PCDHGA1: variants seen among roughly 807,000 people sequenced by gnomAD.
PCDHGA1 encodes the protein protocadherin gamma-A1.
A neutral mutation model predicts 58.0 loss-of-function variants in PCDHGA1; 32 were observed. The ratio of observed to expected loss-of-function variants is 0.55; its 90% CI spans 0.42 to 0.74. The LOEUF (loss-of-function observed/expected upper bound fraction) is 0.74. Among genes scored for constraint, PCDHGA1 ranks in the 30% least tolerant of loss-of-function variants. The probability of loss-of-function intolerance (pLI) is 0.00; values close to 1 mark genes in which losing one functional copy is unlikely to be tolerated. For synonymous variants in PCDHGA1, 498 were observed against 501.1 expected, an observed-to-expected ratio of 0.99 and a Z score of 0.08; for missense variants, 1,205 against 1,182.3, an observed-to-expected ratio of 1.02 and a Z score of -0.28.
Position 141,485,713 on chromosome 5 carries a change from G to T in PCDHGA1, c.2422-9094G>T. On this transcript the variant is annotated intron_variant, in intron 1 of 3. Transcript: ENST00000517417. The surrounding 1 kb of genome is among the most constrained non-coding windows in gnomAD (Gnocchi z 5.7). ...TGAGCTCCAATGAACACTTTGCACT[G>T]GATGTGAAGAAGCGCAGCGACGGCA... 1 of 1,614,202 alleles carries T rather than the reference G, an allele frequency of 6.2e-7. No individual in the cohort carries two copies. The highest frequency in any genetic ancestry group is 8.5e-7 in the Non-Finnish European group (1 of 1,180,038).
intron 1 of PCDHGA1, chr5:141,385,190 G>C (rs899564761): frequency 3.7e-6 from 6 of 1,614,166 alleles, no homozygotes; most frequent in Non-Finnish European, 5.1e-6. Context: ...GCGGACTCTC[G>C]GAAGAGTCAC....
chr5:141,389,999 G>C (rs777892783), intron 1 of PCDHGA1: 4 of 1,614,018 alleles, frequency 2.5e-6, no homozygotes, highest in Non-Finnish European at 3.4e-6. Context: ...TCGTGGCCAT[G>C]ATTCTGGCCA....
At chr5:141,366,104 G>A in intron 1 of PCDHGA1, 2 of 1,614,250 alleles carry the variant, frequency 1.2e-6, no homozygotes, top group Non-Finnish European at 1.7e-6. Flanking sequence ...GACCAAGGTG[G>A]TAGCGGTGGA....
At chr5:141,380,974 A>C (rs1008958709) in intron 1 of PCDHGA1, among the ~76,000 whole-genome samples, 4 of 152,262 alleles carry the variant, frequency 2.6e-5, no homozygotes, top group African/African-American at 9.6e-5. Context: ...TATTAAACAA[A>C]TAGAATTTAA....
chr5:141,415,605 G>GGT, intron 1 of PCDHGA1: 1 of 1,613,122 alleles, frequency 6.2e-7, no homozygotes. Context: ...ATACCCCATT[G>GGT]GTTCCAGTGA....
chr5:141,434,877 C>A (rs1266355299), intron 1 of PCDHGA1, among the ~76,000 whole-genome samples: 1 of 151,612 alleles, frequency 6.6e-6, no homozygotes, highest in Non-Finnish European at 1.5e-5. Flanking sequence ...TGACAGATAC[C>A]AACAACAATC....
At chr5:141,420,252 C>T (rs745697672) in intron 1 of PCDHGA1, 1 of 1,576,604 alleles carries the variant, frequency 6.3e-7, no homozygotes, top group Non-Finnish European at 8.6e-7. Flanking sequence ...AGCGTTGAAG[C>T]AGATAAGAAG....
chr5:141,389,126 A>G, intron 1 of PCDHGA1: 1 of 1,614,034 alleles, frequency 6.2e-7, no homozygotes, highest in South Asian at 1.1e-5. Context: ...AGCAGAATCC[A>G]GAGTACAATA....
chr5:141,345,232 A>C (rs1156468389), intron 1 of PCDHGA1: 10 of 1,614,014 alleles, frequency 6.2e-6, no homozygotes, highest in Admixed American at 1.7e-5. Context: ...TCAATAGATC[A>C]ATATTACCGC....
chr5:141,375,281 A>G (rs1157577123), intron 1 of PCDHGA1: 3 of 1,613,848 alleles, frequency 1.9e-6, no homozygotes, highest in Admixed American at 3.3e-5. Context: ...ATCAGTTGGC[A>G]ATTATTATCG....
In PCDHGA1 at chr5:141,432,986, G is replaced by A. The variant is rs2097557714; in HGVS notation, c.2422-61821G>A. ...AGCGCCGGCGTCGCACTTTGTGGGC[G>A]TGGACGGGGTGCAGGCTTTCCTGCA... On this transcript the variant is annotated intron_variant, in intron 1 of 3. Transcript: ENST00000517417. This position sits in a 1 kb window ranked among gnomAD's most constrained non-coding sequence, Gnocchi z 6.0. 6 of 1,614,258 alleles carry A rather than the reference G, an allele frequency of 3.7e-6. No individual in the cohort carries two copies. In the Middle Eastern group the frequency reaches 4.9e-4, roughly 133 times the overall value.
At chr5:141,422,997 C>T (rs114907564) in intron 1 of PCDHGA1, 28,679 of 1,614,218 alleles carry the variant, frequency 0.018, 311 homozygotes, top group Non-Finnish European at 0.021. Context: ...ACCTGGTGAC[C>T]AAGGTGGTTG....
At chr5:141,413,383 A>G in intron 1 of PCDHGA1, 1 of 1,613,998 alleles carries the variant, frequency 6.2e-7, no homozygotes, top group Non-Finnish European at 8.5e-7. Context: ...CGGAGTCCGC[A>G]TAGTCTCCAG....
chr5:141,364,822 GA>G (rs1385950726), intron 1 of PCDHGA1: 1 of 1,614,010 alleles, frequency 6.2e-7, no homozygotes, highest in Admixed American at 1.7e-5. Context: ...ATGTGGGTGT[GA>G]ACTCTCTCCG....
intron 1 of PCDHGA1, chr5:141,395,337 T>G (rs1265011600): frequency 7.0e-7 from 1 of 1,433,514 alleles, no homozygotes; most frequent in African/African-American, 1.4e-5. Context: ...AAATAATTTT[T>G]AAGGTGTATC....
At position 141,431,569 on chromosome 5, in the gene PCDHGA1, CGAA is replaced by C. The variant is rs780392922; in HGVS notation, c.2422-63236_2422-63234del. The C allele has an allele frequency of 1.9e-6, 3 of 1,614,000 alleles. No homozygotes were observed. The highest frequency in any genetic ancestry group is 2.7e-5 in the African/African-American group (2 of 74,932). ...TTGTAGTCAACGCTACCGACCCTGA[CGAA>C]GGAGTCAATGCGGAAGTGAGGTATT... On this transcript the variant is annotated intron_variant, in intron 1 of 3. Transcript: ENST00000517417. This position sits in a 1 kb window ranked among gnomAD's most constrained non-coding sequence, Gnocchi z 4.8.
intron 1 of PCDHGA1, among the ~76,000 whole-genome samples, chr5:141,455,783 T>G (rs1475277198): frequency 1.3e-5 from 2 of 152,066 alleles, no homozygotes; most frequent in Non-Finnish European, 2.9e-5. Context: ...AAAAGAAACT[T>G]TTCCGGAGAT....
intron 1 of PCDHGA1, chr5:141,389,882 G>A: frequency 6.2e-7 from 1 of 1,614,082 alleles, no homozygotes; most frequent in Non-Finnish European, 8.5e-7. Flanking sequence ...CCGACAGCTT[G>A]CAGGAGGTGC....
chr5:141,470,479 C>T (rs2099231547), intron 1 of PCDHGA1, among the ~76,000 whole-genome samples: 1 of 152,078 alleles, frequency 6.6e-6, no homozygotes, highest in African/African-American at 2.4e-5. Flanking sequence ...ATTACTAACC[C>T]TCTGGGAATA....
Sources: gnomAD v4.1 joint callset for allele counts (sites outside exome capture counted in the v4.1 genomes callset) on GRCh38, gnomAD v4.1.1 for gene constraint, Gnocchi (gnomAD v3.1) non-coding constraint, MANE v1.5 for transcripts, NCBI Gene and HGNC (gene_info 2026-07-23, HGNC 2026-07-21) for gene names.